SLC35D1: variants seen among roughly 807,000 people sequenced by gnomAD.
SLC35D1 encodes the protein solute carrier family 35 member D1.
A neutral mutation model predicts 46.7 loss-of-function variants in SLC35D1; 31 were observed. That is an observed-to-expected ratio of 0.66 (90% CI 0.50 to 0.90). The LOEUF (loss-of-function observed/expected upper bound fraction) is 0.90, where lower values mean the gene tolerates loss of function less well. Among genes scored for constraint, SLC35D1 ranks in the 40% least tolerant of loss-of-function variants. The probability of loss-of-function intolerance (pLI) is 0.00; values close to 1 mark genes in which losing one functional copy is unlikely to be tolerated. For synonymous variants in SLC35D1, 195 were observed against 164.6 expected (o/e 1.18, Z -1.41); for missense variants, 397 against 426.2 (o/e 0.93, Z 0.60).
chr1:67,017,190 C>T (rs1243431020), intron 10 of SLC35D1, among the ~76,000 whole-genome samples: 1 of 151,896 alleles, frequency 6.6e-6, no homozygotes, highest in East Asian at 1.9e-4. Context: ...AATAAGCAGG[C>T]CAAGTACAAT....
rs909026349 is a variant in SLC35D1, at chr1:67,003,081, G to A, written c.*1259C>T. ...ATGTAGGTGAGAATGTTGAAAGGAG[G>A]GAAGTTTGCTCATTGCTCATGCCAT... On this transcript the variant is annotated 3_prime_UTR_variant, in exon 12 of 12. Coordinates refer to ENST00000235345, the MANE Select transcript of SLC35D1 (RefSeq NM_015139.3). The A allele has an allele frequency of 6.6e-6, 1 of 152,330 alleles. No individual in the cohort carries two copies. The highest frequency in any genetic ancestry group is 1.5e-5 in the Non-Finnish European group (1 of 68,044). 9.4% of individuals were successfully genotyped at this position (152,330 alleles called of 1,614,324 possible). A position where few individuals can be genotyped will look rare whatever the true frequency, so the allele number is the denominator to read the frequency against.
chr1:67,046,625 T>C (rs1645254748), intron 7 of SLC35D1, among the ~76,000 whole-genome samples: 1 of 152,242 alleles, frequency 6.6e-6, no homozygotes, highest in East Asian at 1.9e-4. Context: ...GAGATCCATT[T>C]AGGTGTTTCT....
the SLC35D1 span, among the ~76,000 whole-genome samples, chr1:66,977,634 G>C: frequency 7.9e-5 from 12 of 152,156 alleles, no homozygotes; most frequent in East Asian, 2.3e-3. Flanking sequence ...ACCTCATTCA[G>C]TCTAGCTTTG....
At chr1:67,014,858 G>T (rs1667649048) in intron 10 of SLC35D1, among the ~76,000 whole-genome samples, 1 of 150,550 alleles carries the variant, frequency 6.6e-6, no homozygotes, top group Non-Finnish European at 1.5e-5. Flanking sequence ...AAAGGTCTGG[G>T]GACAACACCC....
At chr1:67,053,750 C>T (rs1316046205) in intron 1 of SLC35D1, 61 bp downstream of exon 1, 13 of 1,393,200 alleles carry the variant, frequency 9.3e-6, no homozygotes, top group South Asian at 1.6e-5. Flanking sequence ...GAGCCGGCGC[C>T]GCGCCGCCGC....
intron 11 of SLC35D1, chr1:67,008,453 A>G (rs1166585162): frequency 3.3e-5 from 43 of 1,288,434 alleles, no homozygotes; most frequent in Non-Finnish European, 4.2e-5. Context: ...TACAGCTGGG[A>G]GACACCAGAA....
chr1:66,976,141 T>C, the SLC35D1 span, among the ~76,000 whole-genome samples: 6 of 151,864 alleles, frequency 4.0e-5, no homozygotes, highest in Non-Finnish European at 8.8e-5. Flanking sequence ...GTAGCTGGGA[T>C]TACAGGCACC....
At chr1:66,992,304 A>G in the SLC35D1 span, among the ~76,000 whole-genome samples, 2 of 152,160 alleles carry the variant, frequency 1.3e-5, no homozygotes, top group Non-Finnish European at 2.9e-5. Context: ...AACTGCCTTT[A>G]CTTTCTACAT....
the SLC35D1 span, chr1:66,987,713 T>TAA: frequency 1.4e-5 from 2 of 143,404 alleles, 1 homozygote; most frequent in South Asian, 4.4e-4. Flanking sequence ...ATTAATTCAC[T>TAA]AAGATTTTAT....
the SLC35D1 span, among the ~76,000 whole-genome samples, chr1:66,979,108 A>G: frequency 6.7e-6 from 1 of 149,914 alleles, no homozygotes; most frequent in African/African-American, 2.5e-5. Context: ...TTTTTTTTTT[A>G]TAAAGTTTAT....
intron 8 of SLC35D1, among the ~76,000 whole-genome samples, chr1:67,034,868 T>C (rs1668090590): frequency 6.6e-6 from 1 of 152,182 alleles, no homozygotes; most frequent in African/African-American, 2.4e-5. Context: ...ATTTTTATCA[T>C]GAAGGGATTT....
intron 10 of SLC35D1, among the ~76,000 whole-genome samples, chr1:67,018,675 A>AT (rs1358292875): frequency 1.3e-5 from 2 of 152,230 alleles, no homozygotes; most frequent in African/African-American, 4.8e-5. Context: ...ATCCTAAGTG[A>AT]TTTTCCCACC....
At position 66,999,361 on chromosome 1, in the gene SLC35D1, A is replaced by C. The variant is rs1168689610; in HGVS notation, c.*4979T>G. On this transcript the variant is annotated 3_prime_UTR_variant, in exon 12 of 12. Transcript: ENST00000235345. ...GATTAGTCTCTGTATGCAGTTACAA[A>C]GGAATTTTAATACTTGTTTTCAGGA... 1 of 152,368 alleles carries C rather than the reference A, an allele frequency of 6.6e-6. No homozygotes were observed. The highest frequency in any genetic ancestry group is 1.5e-5 in the Non-Finnish European group (1 of 68,032). 9.4% of individuals were successfully genotyped at this position (152,368 alleles called of 1,614,324 possible). A position where few individuals can be genotyped will look rare whatever the true frequency, so the allele number is the denominator to read the frequency against.
At chr1:66,984,486 T>C in the SLC35D1 span, 1 of 981,828 alleles carries the variant, frequency 1.0e-6, no homozygotes, top group East Asian at 2.4e-5. Flanking sequence ...GCTTCCTTGA[T>C]AACAATAACT....
intron 8 of SLC35D1, among the ~76,000 whole-genome samples, chr1:67,032,473 G>A (rs1361292638): frequency 6.6e-6 from 1 of 151,920 alleles, no homozygotes; most frequent in African/African-American, 2.4e-5. Context: ...CTAAGGTCAG[G>A]AGTTCAAGAT....
the SLC35D1 span, chr1:66,986,106 T>C: frequency 4.6e-6 from 5 of 1,094,986 alleles, no homozygotes; most frequent in Non-Finnish European, 5.6e-6. Flanking sequence ...GAACAACTGT[T>C]GGCAGGCAGT....
chr1:66,999,178 CTTCT>C (rs1038884250), downstream of SLC35D1, among the ~76,000 whole-genome samples: 48 of 152,198 alleles, frequency 3.2e-4, no homozygotes, highest in African/African-American at 1.1e-3. Flanking sequence ...CACTTCCTTC[CTTCT>C]AATTTACCAC....
the SLC35D1 span, chr1:66,976,761 T>C: frequency 6.8e-7 from 1 of 1,465,892 alleles, no homozygotes. Context: ...ATATACATTT[T>C]TGCTAAGCTT....
the SLC35D1 span, chr1:66,986,684 C>A: frequency 2.0e-6 from 1 of 494,472 alleles, no homozygotes; most frequent in Non-Finnish European, 3.6e-6. Flanking sequence ...AATGTACATT[C>A]ACTGTTGTTA....
Sources: gnomAD v4.1 joint callset for allele counts (sites outside exome capture counted in the v4.1 genomes callset) on GRCh38, gnomAD v4.1.1 for gene constraint, MANE v1.5 for transcripts, NCBI Gene and HGNC (gene_info 2026-07-23, HGNC 2026-07-21) for gene names.